ANKS1B: variants seen among roughly 807,000 people sequenced by gnomAD.
ANKS1B encodes ankyrin repeat and sterile alpha motif domain-containing protein 1B.
Under a neutral mutation model 148.3 loss-of-function variants are expected in ANKS1B, and 36 were observed. The observed-to-expected ratio is 0.24, with a 90% CI of 0.19 to 0.32. The LOEUF (loss-of-function observed/expected upper bound fraction) is 0.32. Among genes scored for constraint, ANKS1B ranks in the 10% least tolerant of loss-of-function variants. The pLI is 1.00. For missense variants in ANKS1B, 1,157 were observed against 1,542.6 expected (o/e 0.75, Z 4.19); for synonymous variants, 542 against 560.8 (o/e 0.97, Z 0.47).
At chr12:99,073,421 C>T (rs946756589) in intron 16 of ANKS1B, among the ~76,000 whole-genome samples, 1 of 152,128 alleles carries the variant, frequency 6.6e-6, no homozygotes, top group African/African-American at 2.4e-5. Context: ...TTTTTCCTTC[C>T]TCTCTACCCA....
rs1566901104 is a variant in ANKS1B, at chr12:99,327,342, T to TAATTACATATTATATATAATTATA, written c.1756+72288_1756+72289insTATAATTATATATAATATGTAATT. Among the ~76,000 whole-genome samples the TAATTACATATTATATATAATTATA allele has an allele frequency of 4.6e-4, 52 of 113,378 alleles. 1 individual carries two copies. In the South Asian group the frequency reaches 0.013, roughly 29 times the overall value. The allele number at this position is 113,378 out of a possible 152,430, so 74.4% of individuals were successfully genotyped here. On this transcript the variant is annotated intron_variant, in intron 12 of 26. Coordinates refer to ENST00000683438, the MANE Select transcript of ANKS1B (RefSeq NM_001352186.2). ...ATTACATATTATATATAATTATATA[T>TAATTACATATTATATATAATTATA]TATAATTACATATTATATATAATTA...
intron 9 of ANKS1B, among the ~76,000 whole-genome samples, chr12:99,592,803 G>T (rs1191045858): frequency 6.6e-6 from 1 of 152,000 alleles, no homozygotes; most frequent in African/African-American, 2.4e-5. Flanking sequence ...GAACAGCCTA[G>T]TTTTATACAT....
rs1048359916 is a variant in ANKS1B, at chr12:99,255,703, C to T, written c.1757-8839G>A. Among the ~76,000 whole-genome samples, 3 of 152,072 alleles carry T rather than the reference C, an allele frequency of 2.0e-5. No individual in the cohort carries two copies. The East Asian group carries it at 5.8e-4, about 29-fold the overall frequency. ...AAAGGTTTTTAAGTTAGTATTATGG[C>T]ATCTCCTTTAACTCATTTCTCATGA... On this transcript the variant is annotated intron_variant, in intron 12 of 26. Transcript: ENST00000683438.
chr12:98,944,321 A>AAAAAG (rs55806224), intron 17 of ANKS1B, among the ~76,000 whole-genome samples: 1 of 146,632 alleles, frequency 6.8e-6, no homozygotes, highest in Non-Finnish European at 1.5e-5. Flanking sequence ...AAAAAAAAAA[A>AAAAAG]GCCTAGCATC....
chr12:98,779,069 G>A (rs534384661), intron 24 of ANKS1B, among the ~76,000 whole-genome samples: 6 of 152,344 alleles, frequency 3.9e-5, no homozygotes, highest in African/African-American at 1.4e-4. Context: ...TCTAGATTCT[G>A]AAAATATGTT....
rs57683762 is a variant in ANKS1B, at chr12:99,803,284, C to CCCA, written c.669+3119_669+3120insTGG. Among the ~76,000 whole-genome samples, 370 of 121,918 alleles carry CCCA rather than the reference C, an allele frequency of 3.0e-3. 6 individuals are homozygous for CCCA. The highest frequency in any genetic ancestry group is 1.0e-2 in the African/African-American group (332 of 33,308). 80.0% of individuals were successfully genotyped at this position (121,918 alleles called of 152,430 possible). A position where few individuals can be genotyped will look rare whatever the true frequency, so the allele number is the denominator to read the frequency against. On this transcript the variant is annotated intron_variant, in intron 4 of 26. Transcript: ENST00000683438. ...ATAAAATTAAATATTCACCCCCCCC[C>CCCA]AAAAAAAAAGGCAATGAGACCAAAA... is the stretch of plus-strand genomic sequence containing the variant.
intron 15 of ANKS1B, among the ~76,000 whole-genome samples, chr12:99,087,812 A>G (rs892421547): frequency 1.4e-4 from 22 of 152,220 alleles, no homozygotes; most frequent in Admixed American, 1.0e-3. Context: ...GTGCATAGCT[A>G]CTATCTCTAG....
At chr12:99,044,362 T>C (rs1173568731) in intron 17 of ANKS1B, among the ~76,000 whole-genome samples, 5 of 148,904 alleles carry the variant, frequency 3.4e-5, no homozygotes, top group African/African-American at 7.5e-5. Context: ...CTGACAGTTG[T>C]TACACAAAGC....
intron 9 of ANKS1B, among the ~76,000 whole-genome samples, chr12:99,586,281 G>T (rs2097638768): frequency 6.6e-6 from 1 of 152,110 alleles, no homozygotes; most frequent in African/African-American, 2.4e-5. Flanking sequence ...GATCTCTAGG[G>T]CAGGGGCAAA....
intron 8 of ANKS1B, among the ~76,000 whole-genome samples, chr12:99,766,652 CA>C (rs1378291172): frequency 6.6e-6 from 1 of 152,094 alleles, no homozygotes; most frequent in Non-Finnish European, 1.5e-5. Flanking sequence ...TCACCACATC[CA>C]AAAGGTCTGT....
chr12:98,759,516 T>G (rs1199834456), intron 25 of ANKS1B, among the ~76,000 whole-genome samples: 1 of 152,132 alleles, frequency 6.6e-6, no homozygotes, highest in African/African-American at 2.4e-5. Context: ...TGAGAAAAAT[T>G]GCATCATAGA....
At position 99,015,698 on chromosome 12, in the gene ANKS1B, C is replaced by G. The variant is rs898540878; in HGVS notation, c.2778+37459G>C. ...TGGCTAACACGATGAAACACCGTCT[C>G]TATTAAAAATACAAAAAATTAGCCT... On this transcript the variant is annotated intron_variant, in intron 17 of 26. Coordinates refer to ENST00000683438, the MANE Select transcript of ANKS1B (RefSeq NM_001352186.2). Among the ~76,000 whole-genome samples the G allele has an allele frequency of 9.9e-5, 15 of 152,240 alleles. No homozygotes were observed. The East Asian group carries it at 2.9e-3, about 29-fold the overall frequency.
chr12:99,683,755 C>T (rs2098634360), intron 8 of ANKS1B, among the ~76,000 whole-genome samples: 1 of 152,058 alleles, frequency 6.6e-6, no homozygotes, highest in Admixed American at 6.5e-5. Flanking sequence ...AATCCAAAAG[C>T]ACATCAAAAA....
intron 11 of ANKS1B, among the ~76,000 whole-genome samples, chr12:99,430,283 TAGAAG>T (rs1229253549): frequency 6.6e-6 from 1 of 151,682 alleles, no homozygotes; most frequent in African/African-American, 2.4e-5. Context: ...ACAGTGGGAG[TAGAAG>T]AGAAAAGCTT....
intron 17 of ANKS1B, among the ~76,000 whole-genome samples, chr12:98,861,229 ACT>A (rs1036945192): frequency 1.2e-4 from 18 of 151,812 alleles, no homozygotes; most frequent in African/African-American, 4.1e-4. Flanking sequence ...AGTTGCATAA[ACT>A]CTGTTAATAT....
Position 99,346,106 on chromosome 12 carries a change from A to G in ANKS1B, c.1756+53525T>C, listed in dbSNP as rs1159176681. 5.3e-5 allele frequency among the ~76,000 whole-genome samples: 8 copies of G among 151,956 alleles called. No homozygotes were observed. The South Asian group carries it at 1.7e-3, about 32-fold the overall frequency. On this transcript the variant is annotated intron_variant, in intron 12 of 26. Coordinates refer to ENST00000683438, the MANE Select transcript of ANKS1B (RefSeq NM_001352186.2). ...ATAACTCAACTTTAATTTTCCTCCA[A>G]AGATATCCAATTTATTATCCTTGTC...
intron 14 of ANKS1B, among the ~76,000 whole-genome samples, chr12:99,207,737 T>G (rs2082855513): frequency 6.6e-6 from 1 of 152,042 alleles, no homozygotes; most frequent in African/African-American, 2.4e-5. Flanking sequence ...TAAGTAATAT[T>G]TTTGCTAAAT....
At chr12:98,792,568 T>C (rs2098888024) in intron 22 of ANKS1B, among the ~76,000 whole-genome samples, 1 of 152,168 alleles carries the variant, frequency 6.6e-6, no homozygotes, top group African/African-American at 2.4e-5. Flanking sequence ...AATTGTAAGT[T>C]TGTTACCATT....
chr12:99,356,016 T>C (rs2091939532), intron 12 of ANKS1B, among the ~76,000 whole-genome samples: 1 of 151,428 alleles, frequency 6.6e-6, no homozygotes, highest in Admixed American at 6.6e-5. Flanking sequence ...ACAGGAAAAG[T>C]TTAATGTATA....
Sources: gnomAD v4.1 joint callset for allele counts (sites outside exome capture counted in the v4.1 genomes callset) on GRCh38, gnomAD v4.1.1 for gene constraint, MANE v1.5 for transcripts, NCBI Gene and HGNC (gene_info 2026-07-23, HGNC 2026-07-21) for gene names.